The following VAT1L variants were observed in gnomAD, a reference collection of about 807,000 sequenced individuals.
VAT1L encodes vesicle amine transport 1 like.
VAT1L carries 34 observed loss-of-function variants against 44.1 expected under a neutral mutation model. The observed-to-expected ratio is 0.77, with a 90% confidence interval of 0.59 to 1.03. The LOEUF is 1.03. Ranked by LOEUF, VAT1L falls within the 50% of genes least tolerant of loss-of-function variation. The pLI is 0.00. For synonymous variants in VAT1L, 253 were observed against 202.2 expected, an observed-to-expected ratio of 1.25 and a Z score of -2.13; for missense variants, 615 against 538.8, an observed-to-expected ratio of 1.14 and a Z score of -1.40.
Position 77,816,334 on chromosome 16 carries a change from G to A in VAT1L, c.234-587G>A, listed in dbSNP as rs112686639. Among the ~76,000 whole-genome samples the A allele has an allele frequency of 4.4e-3, 670 of 152,250 alleles. 5 individuals are homozygous for A. Among genetic ancestry groups the A allele is most frequent in the African/African-American group, 0.015 (635 of 41,544 alleles). The stretch of plus-strand genomic sequence containing the variant: ...CTCTCTTTGAGTCCCCTCTCCTCCA[G>A]TGGAACATAATGTAATCTCCTGATG... On this transcript the variant is annotated intron_variant, in intron 1 of 8. Coordinates refer to ENST00000302536, the MANE Select transcript of VAT1L (RefSeq NM_020927.3).
intron 7 of VAT1L, among the ~76,000 whole-genome samples, chr16:77,959,448 GAGGAATATCTCAC>G (rs2018138662): frequency 6.6e-6 from 1 of 152,192 alleles, no homozygotes. Context: ...TTGTTAATAT[GAGGAATATCTCAC>G]AGATGACTTT....
At chr16:77,863,963 T>A (rs74027223) in intron 4 of VAT1L, among the ~76,000 whole-genome samples, 12,489 of 152,026 alleles carry the variant, frequency 0.082, 877 homozygotes, top group African/African-American at 0.19. Context: ...GATGGATGGG[T>A]AGAGGGAGGC....
chr16:77,818,254 C>T (rs1378854396), intron 2 of VAT1L, among the ~76,000 whole-genome samples: 3 of 152,180 alleles, frequency 2.0e-5, no homozygotes, highest in Admixed American at 6.5e-5. Flanking sequence ...GTCTGAGCCT[C>T]AGTATCCTGT....
At chr16:77,837,831 G>A (rs1393785612) in intron 3 of VAT1L, among the ~76,000 whole-genome samples, 1 of 152,304 alleles carries the variant, frequency 6.6e-6, no homozygotes, top group South Asian at 2.1e-4. Context: ...AATGGACTTA[G>A]ATGCTCCCTG....
intron 7 of VAT1L, among the ~76,000 whole-genome samples, chr16:77,918,291 T>G (rs535462637): frequency 6.6e-6 from 1 of 152,146 alleles, no homozygotes; most frequent in Non-Finnish European, 1.5e-5. Flanking sequence ...TAGAAACATT[T>G]TTCTTATTAC....
chr16:77,840,219 T>A (rs2016690372), intron 3 of VAT1L, among the ~76,000 whole-genome samples: 1 of 152,128 alleles, frequency 6.6e-6, no homozygotes, highest in Admixed American at 6.5e-5. Flanking sequence ...TTGTACACGT[T>A]TTAGTGTTTG....
chr16:77,841,737 T>C (rs1175135874), intron 3 of VAT1L, among the ~76,000 whole-genome samples: 1 of 152,152 alleles, frequency 6.6e-6, no homozygotes, highest in African/African-American at 2.4e-5. Flanking sequence ...CTGGAGATGA[T>C]CGTCCTGAGC....
intron 1 of VAT1L, among the ~76,000 whole-genome samples, chr16:77,789,710 C>T (rs146897218): frequency 6.6e-6 from 1 of 152,134 alleles, no homozygotes; most frequent in African/African-American, 2.4e-5. Context: ...AAACCCTGAT[C>T]AGTCTCCCCG....
At chr16:77,858,469 G>C (rs1487136668) in intron 3 of VAT1L, among the ~76,000 whole-genome samples, 1 of 152,192 alleles carries the variant, frequency 6.6e-6, no homozygotes, top group Non-Finnish European at 1.5e-5. Flanking sequence ...AGTAGTGATA[G>C]CAAGTATGTA....
rs549539990 is a variant in VAT1L at position 77,851,701 on chromosome 16, G to A, written c.580-11047G>A. Among the ~76,000 whole-genome samples the A allele has an allele frequency of 9.9e-4, 150 of 152,094 alleles. 2 individuals are homozygous for A. In the South Asian group the frequency reaches 0.029, roughly 29 times the overall value. On this transcript the variant is annotated intron_variant, in intron 3 of 8. Transcript: ENST00000302536. ...AGAGAGCAGGGCCCTATAATCTACC[G>A]AGCATCCACTATGCTTGGCACTGTA...
chr16:77,862,926 C>T (rs1196102353), intron 4 of VAT1L, 36 bp downstream of exon 4: 1 of 1,605,630 alleles, frequency 6.2e-7, no homozygotes, highest in South Asian at 1.1e-5. Context: ...ACCAGGCTGG[C>T]CCTTGCTCTG....
At chr16:77,870,839 T>C (rs1344418906) in intron 4 of VAT1L, among the ~76,000 whole-genome samples, 13 of 152,140 alleles carry the variant, frequency 8.5e-5, no homozygotes, top group Non-Finnish European at 1.5e-5. Flanking sequence ...ATGAAGATGG[T>C]CTTTGTTCCT....
At chr16:77,840,983 T>G (rs1031233448) in intron 3 of VAT1L, among the ~76,000 whole-genome samples, 1 of 152,244 alleles carries the variant, frequency 6.6e-6, no homozygotes, top group African/African-American at 2.4e-5. Context: ...CTCTTCATCT[T>G]AAGGGTTATG....
intron 4 of VAT1L, among the ~76,000 whole-genome samples, chr16:77,869,992 A>G (rs967671860): frequency 6.6e-6 from 1 of 152,210 alleles, no homozygotes; most frequent in African/African-American, 2.4e-5. Context: ...GTGGAAATTA[A>G]TAAGAGTCTA....
intron 7 of VAT1L, among the ~76,000 whole-genome samples, chr16:77,900,432 A>T (rs929215076): frequency 2.0e-5 from 3 of 152,120 alleles, no homozygotes; most frequent in Non-Finnish European, 4.4e-5. Flanking sequence ...GGTGGCTCAC[A>T]TCTATAATCC....
intron 7 of VAT1L, among the ~76,000 whole-genome samples, chr16:77,891,545 T>G (rs893554234): frequency 7.9e-5 from 12 of 152,144 alleles, no homozygotes; most frequent in Non-Finnish European, 1.8e-4. Flanking sequence ...GTAGTGAAGG[T>G]CGCTGTCCAA....
intron 3 of VAT1L, among the ~76,000 whole-genome samples, chr16:77,850,326 C>T (rs2016795855): frequency 6.6e-6 from 1 of 152,180 alleles, no homozygotes; most frequent in Non-Finnish European, 1.5e-5. Context: ...AATATCATCC[C>T]AACTTTATAG....
rs545774578 is a variant in VAT1L, at chr16:77,968,569, C to CA, written c.1078-3275dup. On this transcript the variant is annotated intron_variant, in intron 7 of 8. Transcript: ENST00000302536. ...TGAAACCCCATCTCTGCTAAAAATACAAAAAATTAGCCGGGCGTGGTGGCA... is the reference window on the plus strand; with the variant it reads ...TGAAACCCCATCTCTGCTAAAAATACAAAAAAATTAGCCGGGCGTGGTGGCA... 8.0e-3 allele frequency among the ~76,000 whole-genome samples: 1,222 copies of CA among 152,044 alleles called. 4 individuals carry two copies. The highest frequency in any genetic ancestry group is 0.011 in the Non-Finnish European group (729 of 67,970).
intron 1 of VAT1L, among the ~76,000 whole-genome samples, chr16:77,807,607 A>C (rs560845682): frequency 6.6e-6 from 1 of 152,190 alleles, no homozygotes; most frequent in South Asian, 2.1e-4. Flanking sequence ...TCTTGCTGCA[A>C]ATCTCAGTCT....
Sources: allele counts gnomAD v4.1 joint callset (sites outside exome capture counted in the v4.1 genomes callset), GRCh38; gene constraint gnomAD v4.1.1; transcripts MANE v1.5; gene names NCBI Gene and HGNC (gene_info 2026-07-23, HGNC 2026-07-21).